SLMAP: variants seen among roughly 807,000 people sequenced by gnomAD.
The protein encoded by SLMAP is sarcolemmal membrane-associated protein.
A neutral mutation model predicts 128.8 loss-of-function variants in SLMAP; 44 were observed. The ratio of observed to expected loss-of-function variants is 0.34; its 90% CI spans 0.27 to 0.44. SLMAP has a LOEUF of 0.44. SLMAP is among the 20% of genes least tolerant of loss of function. SLMAP has a pLI of 1.00. For synonymous variants in SLMAP, 327 were observed against 348.8 expected, an observed-to-expected ratio of 0.94 and a Z score of 0.70; for missense variants, 787 against 985.3, an observed-to-expected ratio of 0.80 and a Z score of 2.69.
chr3:57,795,496 G>A (rs773249564), intron 2 of SLMAP, among the ~76,000 whole-genome samples: 1 of 152,148 alleles, frequency 6.6e-6, no homozygotes, highest in Admixed American at 6.5e-5. Context: ...CTGAGATCAC[G>A]CCACTGCACT....
chr3:57,914,493 A>G (rs1054424557), intron 21 of SLMAP, among the ~76,000 whole-genome samples: 16 of 152,212 alleles, frequency 1.1e-4, no homozygotes, highest in Non-Finnish European at 2.1e-4. Context: ...GGGACAAAAT[A>G]AAGGTCAAAA....
intron 17 of SLMAP, chr3:57,899,020 G>A (rs751817719): frequency 2.6e-5 from 4 of 152,214 alleles, no homozygotes; most frequent in Non-Finnish European, 4.4e-5. Context: ...GATGGTGATT[G>A]ATAAAAGCAG....
intron 2 of SLMAP, among the ~76,000 whole-genome samples, chr3:57,759,080 T>C (rs972494686): frequency 1.3e-5 from 2 of 152,322 alleles, no homozygotes; most frequent in Admixed American, 6.5e-5. Flanking sequence ...AAATTATTTT[T>C]TAAAGAAAGG....
At chr3:57,912,780 A>G in intron 20 of SLMAP, 79 bp downstream of exon 20, 3 of 1,130,370 alleles carry the variant, frequency 2.7e-6, no homozygotes, top group Non-Finnish European at 3.7e-6. Context: ...AGAAACATGC[A>G]GGCTTTTTTT....
At position 57,890,080 on chromosome 3, in the gene SLMAP, A is replaced by G; in HGVS notation, c.1340A>G (p.Glu447Gly). Residue 447 changes from glutamate (E) to glycine (G), a missense_variant, in exon 15 of 25, where the codon GAA (glutamate) becomes GGA (glycine). Coordinates refer to ENST00000671191, the MANE Select transcript of SLMAP (RefSeq NM_001377540.1). ...IVEGHLTKAV[E>G]ETKLSKENQT... The stretch of plus-strand genomic sequence containing the variant: ...GAAGGGCATCTAACCAAAGCGGTAG[A>G]AGAAACAAAGCTTTCAAAAGGTTTG... The G allele has an allele frequency of 6.2e-7, 1 of 1,614,004 alleles. No individual in the cohort carries two copies. The highest frequency in any genetic ancestry group is 8.5e-7 in the Non-Finnish European group (1 of 1,179,886).
intron 22 of SLMAP, among the ~76,000 whole-genome samples, chr3:57,920,282 T>G (rs1041307370): frequency 1.3e-5 from 2 of 152,242 alleles, no homozygotes; most frequent in Non-Finnish European, 2.9e-5. Context: ...TTGTACTCCT[T>G]TATTTCATTC....
At chr3:57,899,118 C>G (rs1394327423) in intron 17 of SLMAP, 1 of 152,136 alleles carries the variant, frequency 6.6e-6, no homozygotes. Flanking sequence ...TATTTAGGAA[C>G]AAGGATTTGT....
chr3:57,829,769 A>G (rs909328141), intron 2 of SLMAP, among the ~76,000 whole-genome samples: 5 of 152,230 alleles, frequency 3.3e-5, no homozygotes, highest in African/African-American at 1.2e-4. Context: ...AATTAATGAA[A>G]TGAAATGTAA....
chr3:57,892,426 A>G (rs1459183131), intron 15 of SLMAP, among the ~76,000 whole-genome samples: 1 of 152,194 alleles, frequency 6.6e-6, no homozygotes, highest in African/African-American at 2.4e-5. Flanking sequence ...CTTTGGAGGT[A>G]GAGGTAGAAA....
rs372365886 is a variant in SLMAP, at chr3:57,855,579, A to T, written c.520-2154A>T. On this transcript the variant is annotated intron_variant, in intron 6 of 24. Transcript: ENST00000671191. ...TACACTTAGGCTGCTTTAAATATAT[A>T]TTTAAAAAGTTTTTGGGGCAGGCAT... Among the ~76,000 whole-genome samples the T allele has an allele frequency of 1.5e-4, 22 of 151,350 alleles. No individual in the cohort carries two copies. The East Asian group carries it at 2.0e-3, about 13-fold the overall frequency.
intron 13 of SLMAP, among the ~76,000 whole-genome samples, chr3:57,871,033 G>C (rs1191769249): frequency 6.6e-6 from 1 of 152,084 alleles, no homozygotes; most frequent in Non-Finnish European, 1.5e-5. Flanking sequence ...CATTTACCAA[G>C]CTCTTACTTT....
At chr3:57,771,232 A>AGG (rs2153445911) in intron 2 of SLMAP, among the ~76,000 whole-genome samples, 1 of 144,326 alleles carries the variant, frequency 6.9e-6, no homozygotes, top group Admixed American at 7.1e-5. Context: ...AGAGAGAGAG[A>AGG]GAGAGAGAGA....
chr3:57,831,957 T>G (rs2093363803), intron 3 of SLMAP, among the ~76,000 whole-genome samples: 2 of 152,252 alleles, frequency 1.3e-5, no homozygotes, highest in African/African-American at 4.8e-5. Context: ...TGCTTTTGGT[T>G]GTTGCTTCAT....
At chr3:57,863,750 C>T (rs541882338) in intron 10 of SLMAP, among the ~76,000 whole-genome samples, 137 of 152,288 alleles carry the variant, frequency 9.0e-4, no homozygotes, top group African/African-American at 3.2e-3. Flanking sequence ...CATTAGACCC[C>T]ATCTCCAACA....
intron 2 of SLMAP, among the ~76,000 whole-genome samples, chr3:57,802,765 C>T (rs1220121524): frequency 1.3e-5 from 2 of 152,134 alleles, no homozygotes; most frequent in South Asian, 2.1e-4. Flanking sequence ...GTTTGATGGA[C>T]ATTCAGATTG....
At chr3:57,837,571 G>A (rs774520290) in intron 3 of SLMAP, among the ~76,000 whole-genome samples, 2 of 152,088 alleles carry the variant, frequency 1.3e-5, no homozygotes, top group Non-Finnish European at 2.9e-5. Context: ...AGGTTTCACT[G>A]TGTTAACCAG....
At chr3:57,777,747 C>T (rs563117391) in intron 2 of SLMAP, among the ~76,000 whole-genome samples, 153 of 152,150 alleles carry the variant, frequency 1.0e-3, no homozygotes, top group African/African-American at 3.3e-3. Flanking sequence ...AGAATTTCAC[C>T]GAATAAATAA....
At chr3:57,921,153 T>A in intron 22 of SLMAP, among the ~76,000 whole-genome samples, 1 of 152,138 alleles carries the variant, frequency 6.6e-6, no homozygotes, top group East Asian at 1.9e-4. Flanking sequence ...GGAACCAGTC[T>A]AGAATTTCAG....
chr3:57,856,792 CT>C (rs2094813112), intron 6 of SLMAP, among the ~76,000 whole-genome samples: 1 of 152,004 alleles, frequency 6.6e-6, no homozygotes, highest in African/African-American at 2.4e-5. Flanking sequence ...ATTATATGTG[CT>C]ATACTTTTAT....
Sources: gnomAD v4.1 joint callset for allele counts (sites outside exome capture counted in the v4.1 genomes callset) on GRCh38, gnomAD v4.1.1 for gene constraint, MANE v1.5 for transcripts, NCBI Gene and HGNC (gene_info 2026-07-23, HGNC 2026-07-21) for gene names.